Variants in GRID2 observed in about 807,000 individuals in gnomAD.
The protein encoded by GRID2 is glutamate ionotropic receptor delta type subunit 2, also known as glutamate receptor ionotropic, delta-2.
In GRID2, 33 loss-of-function variants were observed where a neutral mutation model predicts 114.8. That is an observed-to-expected ratio of 0.29 (90% CI 0.22 to 0.38). The LOEUF (loss-of-function observed/expected upper bound fraction) is 0.38, where lower values mean the gene tolerates loss of function less well. Ranked by LOEUF, GRID2 falls within the 10% of genes least tolerant of loss-of-function variation. GRID2 has a pLI of 1.00. For missense variants in GRID2, 1,184 were observed against 1,257.7 expected (o/e 0.94, Z 0.89); for synonymous variants, 505 against 449.9 (o/e 1.12, Z -1.55).
chr4:93,340,679 A>G (rs1759558922), intron 8 of GRID2, among the ~76,000 whole-genome samples: 1 of 152,142 alleles, frequency 6.6e-6, no homozygotes, highest in African/African-American at 2.4e-5. Context: ...GGGTTTACTG[A>G]CTGGTGGAGA....
intron 1 of GRID2, among the ~76,000 whole-genome samples, chr4:92,364,247 G>T (rs1728749558): frequency 6.6e-6 from 1 of 151,990 alleles, no homozygotes. Context: ...CATGCTAAAT[G>T]TATGTTTAAA....
chr4:93,064,519 T>G (rs1728095354), intron 2 of GRID2, among the ~76,000 whole-genome samples: 1 of 151,816 alleles, frequency 6.6e-6, no homozygotes, highest in Non-Finnish European at 1.5e-5. Flanking sequence ...TTTACCAGCT[T>G]TTGTCTAGGC....
At chr4:93,100,904 G>T (rs139603709) in intron 3 of GRID2, among the ~76,000 whole-genome samples, 2 of 152,110 alleles carry the variant, frequency 1.3e-5, no homozygotes, top group South Asian at 2.1e-4. Flanking sequence ...GTATTCCAGA[G>T]AATGCCACTA....
At chr4:92,940,512 A>C (rs1751028068) in intron 2 of GRID2, among the ~76,000 whole-genome samples, 1 of 152,172 alleles carries the variant, frequency 6.6e-6, no homozygotes, top group Non-Finnish European at 1.5e-5. Flanking sequence ...GTCATCTGCA[A>C]ACAGGGACAA....
chr4:93,059,940 A>G (rs1360813837), intron 2 of GRID2, among the ~76,000 whole-genome samples: 1 of 152,030 alleles, frequency 6.6e-6, no homozygotes, highest in African/African-American at 2.4e-5. Flanking sequence ...TATCTAGACC[A>G]CTATCATCTT....
At chr4:93,750,837 C>G (rs1732262369) in intron 14 of GRID2, among the ~76,000 whole-genome samples, 1 of 152,104 alleles carries the variant, frequency 6.6e-6, no homozygotes, top group African/African-American at 2.4e-5. Flanking sequence ...AGAGTGGTGT[C>G]ACTTAAAAGA....
At chr4:93,536,823 C>T (rs1732135393) in intron 13 of GRID2, among the ~76,000 whole-genome samples, 1 of 151,440 alleles carries the variant, frequency 6.6e-6, no homozygotes, top group African/African-American at 2.4e-5. Flanking sequence ...TTAAATTTTC[C>T]AACATAATTC....
In GRID2 at chr4:93,720,344, A is replaced by G. The variant is rs76367110; in HGVS notation, c.2361-48866A>G. 5.1e-3 allele frequency among the ~76,000 whole-genome samples: 771 copies of G among 152,320 alleles called. 7 individuals carry two copies. Among genetic ancestry groups the G allele is most frequent in the African/African-American group, 0.018 (730 of 41,570 alleles). ...AGGTCTTAGATGGTCCAGAAACCTT[A>G]TATTAATCTCTTCCCCTACCAAAAT... On this transcript the variant is annotated intron_variant, in intron 14 of 15. Transcript: ENST00000282020.
chr4:93,464,230 G>C (rs539143076), intron 11 of GRID2, among the ~76,000 whole-genome samples: 1 of 152,052 alleles, frequency 6.6e-6, no homozygotes, highest in Non-Finnish European at 1.5e-5. Context: ...AAATTATTTA[G>C]AATATAAATT....
chr4:93,535,231 T>TACACAC (rs141785727), intron 13 of GRID2, among the ~76,000 whole-genome samples: 5,243 of 142,214 alleles, frequency 0.037, 101 homozygotes, highest in Non-Finnish European at 0.045. Context: ...CACATACACA[T>TACACAC]ACACACACAC....
intron 14 of GRID2, among the ~76,000 whole-genome samples, chr4:93,741,611 T>A (rs1196790302): frequency 6.6e-6 from 1 of 152,194 alleles, no homozygotes; most frequent in East Asian, 1.9e-4. Context: ...TAAACAACAG[T>A]TTTATGATCT....
At chr4:93,682,195 G>A (rs908223384) in intron 14 of GRID2, among the ~76,000 whole-genome samples, 1 of 149,148 alleles carries the variant, frequency 6.7e-6, no homozygotes, top group African/African-American at 2.5e-5. Context: ...CATCATCACT[G>A]GCCATCAGAG....
intron 2 of GRID2, among the ~76,000 whole-genome samples, chr4:92,712,011 TTCTTA>T (rs1735277894): frequency 6.6e-6 from 1 of 152,112 alleles, no homozygotes; most frequent in Admixed American, 6.5e-5. Context: ...AAATACTCTT[TTCTTA>T]TAAGGTAACA....
intron 1 of GRID2, among the ~76,000 whole-genome samples, chr4:92,451,630 C>A (rs1335046586): frequency 6.6e-6 from 1 of 152,010 alleles, no homozygotes; most frequent in Non-Finnish European, 1.5e-5. Context: ...TTGAGTGCTA[C>A]AAAGAAAGGA....
chr4:93,570,647 G>C (rs147232880), intron 13 of GRID2, among the ~76,000 whole-genome samples: 3 of 152,044 alleles, frequency 2.0e-5, no homozygotes, highest in Non-Finnish European at 2.9e-5. Flanking sequence ...ACATCACTGC[G>C]TACTCTATGA....
chr4:93,614,691 A>T (rs756780508), intron 13 of GRID2, among the ~76,000 whole-genome samples: 3 of 152,202 alleles, frequency 2.0e-5, no homozygotes, highest in Non-Finnish European at 2.9e-5. Flanking sequence ...CAATATTTTA[A>T]TAAGGTTTTT....
intron 2 of GRID2, among the ~76,000 whole-genome samples, chr4:92,705,470 C>T (rs571505696): frequency 6.6e-6 from 1 of 152,294 alleles, no homozygotes; most frequent in Admixed American, 6.5e-5. Flanking sequence ...TACCTTTTGA[C>T]ACTCTGGGGC....
intron 1 of GRID2, among the ~76,000 whole-genome samples, chr4:92,583,848 G>T (rs147356519): frequency 0.013 from 1,994 of 149,286 alleles, 34 homozygotes; most frequent in African/African-American, 0.046. Context: ...ATATAAACAT[G>T]AACATGTATT....
At chr4:93,199,354 C>T (rs1413640717) in intron 4 of GRID2, among the ~76,000 whole-genome samples, 2 of 152,262 alleles carry the variant, frequency 1.3e-5, no homozygotes, top group East Asian at 3.9e-4. Flanking sequence ...ATATAGAACA[C>T]AGGAAAGTTG....
Sources: gnomAD v4.1 joint callset for allele counts (sites outside exome capture counted in the v4.1 genomes callset) on GRCh38, gnomAD v4.1.1 for gene constraint, MANE v1.5 for transcripts, NCBI Gene and HGNC (gene_info 2026-07-23, HGNC 2026-07-21) for gene names.